TUSC3: variants seen among roughly 807,000 people sequenced by gnomAD.
The protein encoded by TUSC3 is dolichyl-diphosphooligosaccharide--protein glycosyltransferase subunit TUSC3.
A neutral mutation model predicts 44.8 loss-of-function variants in TUSC3; 45 were observed. The observed-to-expected ratio is 1.00, with a 90% confidence interval of 0.79 to 1.29. The LOEUF is 1.29. TUSC3 is among the 50% of genes most tolerant of loss of function. TUSC3 has a pLI of 0.00. For missense variants in TUSC3, 519 were observed against 437.9 expected (o/e 1.19, Z -1.65); for synonymous variants, 212 against 152.9 (o/e 1.39, Z -2.85).
intron 3 of TUSC3, among the ~76,000 whole-genome samples, chr8:15,658,682 CAA>C (rs1491203254): frequency 1.3e-5 from 2 of 148,798 alleles, no homozygotes; most frequent in African/African-American, 5.0e-5. Flanking sequence ...TATACACATA[CAA>C]TATATATACA....
intron 1 of TUSC3, among the ~76,000 whole-genome samples, chr8:15,605,602 C>A (rs1353973448): frequency 6.6e-6 from 1 of 151,240 alleles, no homozygotes; most frequent in Non-Finnish European, 1.5e-5. Flanking sequence ...CATTGCCTTA[C>A]AAATACCAAA....
At chr8:15,636,836 G>T (rs932406760) in intron 2 of TUSC3, among the ~76,000 whole-genome samples, 3 of 152,282 alleles carry the variant, frequency 2.0e-5, no homozygotes, top group Non-Finnish European at 4.4e-5. Flanking sequence ...AGTCTGAAGA[G>T]ATAGCAGTTT....
chr8:15,541,747 G>T (rs13269673), intron 1 of TUSC3, among the ~76,000 whole-genome samples: 51,254 of 151,626 alleles, frequency 0.34, 9,445 homozygotes, highest in East Asian at 0.51. Flanking sequence ...ATAAATTAAT[G>T]ATTTTTTTTA....
chr8:15,750,104 CGAGTAGCTGGG>C (rs1811630188), intron 9 of TUSC3, among the ~76,000 whole-genome samples: 1 of 151,012 alleles, frequency 6.6e-6, no homozygotes, highest in Non-Finnish European at 1.5e-5. Context: ...CTCAGCCTCC[CGAGTAGCTGGG>C]ACTACGGGTG....
intron 9 of TUSC3, chr8:15,748,942 C>T (rs1031634447): frequency 1.4e-4 from 51 of 355,888 alleles, no homozygotes; most frequent in Non-Finnish European, 2.3e-4. Flanking sequence ...ATCATCATAA[C>T]GAGTATCTCA....
chr8:15,819,144 G>A, the TUSC3 span, among the ~76,000 whole-genome samples: 31 of 152,162 alleles, frequency 2.0e-4, no homozygotes, highest in Non-Finnish European at 1.3e-4. Flanking sequence ...CCATCACCAC[G>A]AGTCATAGAT....
intron 6 of TUSC3, among the ~76,000 whole-genome samples, chr8:15,710,801 A>G (rs1186568556): frequency 6.7e-6 from 1 of 148,374 alleles, no homozygotes; most frequent in Admixed American, 6.8e-5. Flanking sequence ...ATTTATAAAT[A>G]TATATATTTG....
the TUSC3 span, among the ~76,000 whole-genome samples, chr8:15,828,642 C>A: frequency 2.0e-5 from 3 of 152,136 alleles, no homozygotes; most frequent in Non-Finnish European, 4.4e-5. Context: ...TGTTAGCAAA[C>A]AGGAAATGAT....
chr8:15,737,722 G>A (rs575179520), intron 7 of TUSC3, among the ~76,000 whole-genome samples: 6 of 152,188 alleles, frequency 3.9e-5, no homozygotes, highest in South Asian at 4.1e-4. Context: ...AAAAAAGAAC[G>A]TAACATTCTT....
At chr8:15,526,763 A>T (rs1449617772) in intron 2 of TUSC3, among the ~76,000 whole-genome samples, 1 of 152,182 alleles carries the variant, frequency 6.6e-6, no homozygotes, top group Non-Finnish European at 1.5e-5. Context: ...AGACTAATAC[A>T]GAGTCCACAT....
At position 15,419,020 on chromosome 8, in the gene TUSC3, A is replaced by C. The variant is rs147941416; in HGVS notation, n.91+1715A>C. Among the ~76,000 whole-genome samples, 117 of 152,250 alleles carry C rather than the reference A, an allele frequency of 7.7e-4. 1 individual carries two copies. Among genetic ancestry groups the C allele is most frequent in the South Asian group, 1.7e-3 (8 of 4,814 alleles). ...ACCCTCTCTCTTAAGGAAAAAAGAAAAAAAGAATTAAAGGTTAAAAGTATC... is the reference window on the plus strand; with the variant it reads ...ACCCTCTCTCTTAAGGAAAAAAGAACAAAAGAATTAAAGGTTAAAAGTATC... On this transcript the variant is annotated intron_variant and non_coding_transcript_variant, in intron 1 of 5. Transcript: ENST00000503191.
chr8:15,517,522 C>CAAAAAAAAAAAAAAAAAAAAAAAAAAA (rs71211049), intron 2 of TUSC3, among the ~76,000 whole-genome samples: 1 of 77,554 alleles, frequency 1.3e-5, no homozygotes, highest in African/African-American at 8.2e-5. Flanking sequence ...TAGCGTGAGG[C>CAAAAAAAAAAAAAAAAAAAAAAAAAAA]AAAAAAAAAA....
intron 2 of TUSC3, among the ~76,000 whole-genome samples, chr8:15,524,835 T>C (rs1801352916): frequency 6.6e-6 from 1 of 152,096 alleles, no homozygotes; most frequent in Admixed American, 6.6e-5. Context: ...GATCCCAGAA[T>C]ACAGTTGTCT....
intron 2 of TUSC3, among the ~76,000 whole-genome samples, chr8:15,525,419 A>C (rs80212643): frequency 0.015 from 2,356 of 152,326 alleles, 18 homozygotes; most frequent in Non-Finnish European, 0.023. Flanking sequence ...AGCTTGTTTT[A>C]AATAAAAATG....
rs975526190 is a variant in TUSC3, at chr8:15,765,959, C to T, written c.*1803C>T. On this transcript the variant is annotated 3_prime_UTR_variant, in exon 11 of 11. Coordinates refer to ENST00000503731, the MANE Select transcript of TUSC3 (RefSeq NM_006765.4). ...TCAGAATTATCTTGCAGTTAATATGCAGCTGATTAAATGATATTACAAATT... is the reference window on the plus strand; with the variant it reads ...TCAGAATTATCTTGCAGTTAATATGTAGCTGATTAAATGATATTACAAATT... The T allele has an allele frequency of 6.6e-6, 1 of 152,056 alleles. No homozygotes were observed. Among genetic ancestry groups the T allele is most frequent in the African/African-American group, 2.4e-5 (1 of 41,432 alleles). The allele number at this position is 152,056 out of a possible 1,614,324, so 9.4% of individuals were successfully genotyped here.
At chr8:15,809,284 AC>A in the TUSC3 span, among the ~76,000 whole-genome samples, 2 of 152,188 alleles carry the variant, frequency 1.3e-5, no homozygotes, top group South Asian at 4.1e-4. Flanking sequence ...TAAATCTTTA[AC>A]AAAACATAGT....
At chr8:15,535,754 A>G (rs1214322933), upstream of TUSC3, among the ~76,000 whole-genome samples, 8 of 152,204 alleles carry the variant, frequency 5.3e-5, no homozygotes, top group Non-Finnish European at 5.9e-5. Context: ...TACTATAAAA[A>G]GTTAAGGAGT....
intron 2 of TUSC3, among the ~76,000 whole-genome samples, chr8:15,517,512 T>A: frequency 8.6e-6 from 1 of 116,574 alleles, no homozygotes; most frequent in African/African-American, 3.7e-5. Flanking sequence ...TCCTAACATT[T>A]AGCGTGAGGC....
intron 1 of TUSC3, among the ~76,000 whole-genome samples, chr8:15,565,301 A>G (rs1802624846): frequency 6.6e-6 from 1 of 151,738 alleles, no homozygotes; most frequent in African/African-American, 2.4e-5. Flanking sequence ...CCTTCCTGTT[A>G]CAGAGACCCT....
Sources: gnomAD v4.1 joint callset for allele counts (sites outside exome capture counted in the v4.1 genomes callset) on GRCh38, gnomAD v4.1.1 for gene constraint, MANE v1.5 for transcripts, NCBI Gene and HGNC (gene_info 2026-07-23, HGNC 2026-07-21) for gene names.